ELOVL2: variants seen among roughly 807,000 people sequenced by gnomAD.
The protein encoded by ELOVL2 is very long chain fatty acid elongase 2.
ELOVL2 carries 38 observed loss-of-function variants against 37.7 expected under a neutral mutation model. The ratio of observed to expected loss-of-function variants is 1.01; its 90% CI spans 0.78 to 1.32. ELOVL2 has a LOEUF of 1.32. ELOVL2 is among the 40% of genes most tolerant of loss of function. ELOVL2 has a pLI of 0.00. For synonymous variants in ELOVL2, 115 were observed against 122.3 expected (o/e 0.94, Z 0.40); for missense variants, 352 against 363.6 (o/e 0.97, Z 0.26).
chr6:10,990,203 GAAAA>G, intron 6 of ELOVL2, 111 bp downstream of exon 6: 1 of 1,360,652 alleles, frequency 7.3e-7, no homozygotes, highest in East Asian at 2.4e-5. Context: ...GCCAATTTTG[GAAAA>G]AAAATGGGCA....
At chr6:11,036,873 T>C (rs557702082) in intron 1 of ELOVL2, among the ~76,000 whole-genome samples, 4 of 151,998 alleles carry the variant, frequency 2.6e-5, no homozygotes, top group African/African-American at 9.7e-5. Context: ...TTTTGCCTTA[T>C]GGACATATTC....
Position 10,989,653 on chromosome 6 carries a change from A to G in ELOVL2, c.765+50T>C, listed in dbSNP as rs532327174. 3 of 1,573,952 alleles carry G rather than the reference A, an allele frequency of 1.9e-6. No individual in the cohort carries two copies. In the African/African-American group the frequency reaches 4.1e-5, roughly 22 times the overall value. ...AAACTCTGTCTCCAAAAAAAAAAAA[A>G]TAGTGCCAATCGATTACATTTTACT... On this transcript the variant is annotated intron_variant, in intron 7 of 7. Coordinates refer to ENST00000354666, the MANE Select transcript of ELOVL2 (RefSeq NM_017770.4).
rs1439707862 is a variant in ELOVL2, at chr6:10,986,985, CTT to C, written c.765+2716_765+2717del. 6.6e-5 allele frequency among the ~76,000 whole-genome samples: 10 copies of C among 152,160 alleles called. No homozygotes were observed. In the South Asian group the frequency reaches 1.2e-3, roughly 19 times the overall value. ...CTGTGAATCCATCTGGTCCTGGACTCTTTTTGGTTGGTAAGCTATTGATTATT... is the reference window on the plus strand; with the variant it reads ...CTGTGAATCCATCTGGTCCTGGACTCTTTGGTTGGTAAGCTATTGATTATT... On this transcript the variant is annotated intron_variant, in intron 7 of 7. Transcript: ENST00000354666.
intron 4 of ELOVL2, among the ~76,000 whole-genome samples, chr6:10,996,656 A>G (rs530486262): frequency 4.1e-4 from 61 of 147,984 alleles, no homozygotes; most frequent in Non-Finnish European, 7.6e-4. Context: ...GGGGAGAGTG[A>G]GACTCTGCCT....
intron 1 of ELOVL2, among the ~76,000 whole-genome samples, chr6:11,020,721 G>C (rs988643922): frequency 2.0e-5 from 3 of 152,174 alleles, no homozygotes; most frequent in Non-Finnish European, 4.4e-5. Flanking sequence ...CCTAAGTGCT[G>C]GTCAGATTGC....
intron 1 of ELOVL2, among the ~76,000 whole-genome samples, chr6:11,022,117 G>A (rs575626978): frequency 1.5e-4 from 23 of 152,302 alleles, no homozygotes; most frequent in African/African-American, 5.3e-4. Flanking sequence ...AAGACACTGG[G>A]GGTGCCCTTG....
chr6:11,005,350 C>A, intron 3 of ELOVL2, 22 bp downstream of exon 3: 2 of 1,599,522 alleles, frequency 1.3e-6, no homozygotes, highest in Non-Finnish European at 8.5e-7. Context: ...TGGACTTCAG[C>A]TTTGGCTACA....
In ELOVL2 at chr6:10,981,419, T is replaced by C. The variant is rs995961961; in HGVS notation, c.*2362A>G. On this transcript the variant is annotated 3_prime_UTR_variant, in exon 8 of 8. Transcript: ENST00000354666. ...TGATTTATTTTTTGTGGCTAAGATT[T>C]CATAACTATTTTTTTAATTAGCCCT... 1.3e-5 allele frequency: 2 copies of C among 152,670 alleles called. No homozygotes were observed. Among genetic ancestry groups the C allele is most frequent in the African/African-American group, 4.8e-5 (2 of 41,456 alleles). The allele number at this position is 152,670 out of a possible 1,614,324, so 9.5% of individuals were successfully genotyped here.
chr6:11,039,279 G>A (rs1420502337), intron 1 of ELOVL2, among the ~76,000 whole-genome samples: 1 of 152,214 alleles, frequency 6.6e-6, no homozygotes, highest in African/African-American at 2.4e-5. Context: ...CAGGTTTCTT[G>A]ACTCTTGGTC....
intron 2 of ELOVL2, among the ~76,000 whole-genome samples, chr6:11,008,205 T>C (rs183473519): frequency 1.0e-3 from 158 of 152,328 alleles, no homozygotes; most frequent in Non-Finnish European, 1.9e-3. Flanking sequence ...ACCTTGTCAG[T>C]GTGGAGCTCA....
intron 1 of ELOVL2, among the ~76,000 whole-genome samples, chr6:11,036,195 T>G (rs946345979): frequency 3.9e-5 from 6 of 152,186 alleles, no homozygotes; most frequent in Non-Finnish European, 8.8e-5. Flanking sequence ...AGAAAGTCAT[T>G]TATGAGATAG....
chr6:11,033,749 CTTTTTT>C (rs1232649752), intron 1 of ELOVL2, among the ~76,000 whole-genome samples: 1 of 152,110 alleles, frequency 6.6e-6, no homozygotes, highest in South Asian at 2.1e-4. Flanking sequence ...ACCTTTATCA[CTTTTTT>C]TATCCTCCCC....
intron 1 of ELOVL2, among the ~76,000 whole-genome samples, chr6:11,022,812 TCATA>T (rs1782783916): frequency 6.7e-6 from 1 of 148,242 alleles, no homozygotes; most frequent in African/African-American, 2.7e-5. Flanking sequence ...ATAATGACTA[TCATA>T]AATAGTCTCT....
At position 11,041,431 on chromosome 6, in the gene ELOVL2, G is replaced by A. The variant is rs139931652; in HGVS notation, c.3+2797C>T. On this transcript the variant is annotated intron_variant, in intron 1 of 7. Transcript: ENST00000354666. ...AACCAAAAATTAGGCTTACCCAACT[G>A]GATACTTTAAAAATTGATTTTTTAC... is the stretch of plus-strand genomic sequence containing the variant. 7.1e-3 allele frequency among the ~76,000 whole-genome samples: 1,080 copies of A among 152,170 alleles called. 3 individuals carry two copies. Among genetic ancestry groups the A allele is most frequent in the Non-Finnish European group, 0.011 (780 of 68,016 alleles).
intron 1 of ELOVL2, among the ~76,000 whole-genome samples, chr6:11,024,872 C>T (rs1356704872): frequency 2.0e-5 from 3 of 152,126 alleles, no homozygotes; most frequent in Non-Finnish European, 2.9e-5. Context: ...CTAACCTCAA[C>T]GGACAAATTT....
chr6:11,029,089 G>A (rs988167260), intron 1 of ELOVL2, among the ~76,000 whole-genome samples: 2 of 147,092 alleles, frequency 1.4e-5, no homozygotes, highest in Non-Finnish European at 3.0e-5. Context: ...AAAGCTGGGA[G>A]TGTTAGCACA....
At chr6:10,998,951 T>C (rs569084945) in intron 4 of ELOVL2, among the ~76,000 whole-genome samples, 1 of 152,356 alleles carries the variant, frequency 6.6e-6, no homozygotes, top group South Asian at 2.1e-4. Flanking sequence ...TATTGGTATC[T>C]CTTTTTTTCC....
At chr6:11,030,376 C>T (rs1434053536) in intron 1 of ELOVL2, among the ~76,000 whole-genome samples, 5 of 152,096 alleles carry the variant, frequency 3.3e-5, no homozygotes. Flanking sequence ...ATCCCAGATC[C>T]TTATTTTTAA....
rs1164388832 is a variant in ELOVL2 at position 10,983,855 on chromosome 6, T to C, written c.817A>G (p.Lys273Glu). Residue 273 changes from lysine to glutamate, a missense_variant, in exon 8 of 8, where the codon AAA becomes GAA. Coordinates refer to ENST00000354666, the MANE Select transcript of ELOVL2 (RefSeq NM_017770.4). ...TTGGAAAAACCATTCTTCACTTCTT[T>C]CCCTGCAGGTGGCTCTTGCATATCT... ...KKDMQEPPAG[K>E]EVKNGFSKAY... The C allele has an allele frequency of 6.2e-7, 1 of 1,614,104 alleles. No homozygotes were observed. The highest frequency in any genetic ancestry group is 1.7e-5 in the Admixed American group (1 of 60,006).
Sources: gnomAD v4.1 joint callset for allele counts (sites outside exome capture counted in the v4.1 genomes callset) on GRCh38, gnomAD v4.1.1 for gene constraint, MANE v1.5 for transcripts, NCBI Gene and HGNC (gene_info 2026-07-23, HGNC 2026-07-21) for gene names.